DLEC1: variants seen among roughly 807,000 people sequenced by gnomAD.
DLEC1 encodes the protein DLEC1 cilia and flagella associated protein.
DLEC1 carries 146 observed loss-of-function variants against 198.1 expected under a neutral mutation model. The observed-to-expected ratio is 0.74, with a 90% CI of 0.64 to 0.85. DLEC1 has a LOEUF of 0.85. Among genes scored for constraint, DLEC1 ranks in the 40% least tolerant of loss-of-function variants. DLEC1 has a pLI of 0.00. For missense variants in DLEC1, 2,233 were observed against 2,220.0 expected, an observed-to-expected ratio of 1.01 and a Z score of -0.12; for synonymous variants, 897 against 866.8, an observed-to-expected ratio of 1.03 and a Z score of -0.61.
chr3:38,080,133 G>A (rs1697887079), intron 6 of DLEC1, among the ~76,000 whole-genome samples: 2 of 152,220 alleles, frequency 1.3e-5, no homozygotes, highest in South Asian at 2.1e-4. Context: ...AAAGAAAAAG[G>A]AGCATTAACC....
intron 21 of DLEC1, 39 bp downstream of exon 21, chr3:38,108,554 C>T: frequency 6.5e-7 from 1 of 1,549,320 alleles, no homozygotes; most frequent in Non-Finnish European, 8.9e-7. Context: ...ACCGGGAAGG[C>T]ACCCTGCCAA....
At chr3:38,114,310 A>T (rs1161800236) in intron 25 of DLEC1, 32 bp from the exon 26 acceptor site, 2 of 1,608,568 alleles carry the variant, frequency 1.2e-6, no homozygotes, top group East Asian at 4.5e-5. Flanking sequence ...AACCGGTGAC[A>T]GGAGTGACAA....
At position 38,039,321 on chromosome 3, in the gene DLEC1, G is replaced by A; in HGVS notation, c.96G>A (p.Gly32=). ...GGGCGCCAACTTCGCCACCAGCCGG[G>A]TCCAGCAGCCCCAGCCAGCCCACCT... ...TMWAPTSPPA[G]SSSPSQPTWK... The change falls in exon 1 of 37, where the codon GGG becomes GGA. Residue 32 remains glycine, a synonymous_variant. Transcript: ENST00000308059. 1 of 1,614,212 alleles carries A rather than the reference G, an allele frequency of 6.2e-7. No homozygotes were observed. Among genetic ancestry groups the A allele is most frequent in the Non-Finnish European group, 8.5e-7 (1 of 1,180,042 alleles).
chr3:38,043,185 G>A (rs1700736542), intron 1 of DLEC1, among the ~76,000 whole-genome samples: 1 of 152,064 alleles, frequency 6.6e-6, no homozygotes. Flanking sequence ...TAGGACCTTG[G>A]GTGATATTTA....
At chr3:38,069,490 AAC>A (rs140617640) in intron 6 of DLEC1, among the ~76,000 whole-genome samples, 15 of 150,590 alleles carry the variant, frequency 1.0e-4, no homozygotes, top group Admixed American at 2.6e-4. Context: ...AGTAAGGAAC[AAC>A]ACACACACAC....
intron 2 of DLEC1, among the ~76,000 whole-genome samples, chr3:38,050,070 A>G (rs550657494): frequency 2.6e-5 from 4 of 151,920 alleles, no homozygotes; most frequent in Non-Finnish European, 5.9e-5. Context: ...ACTTCCAGAT[A>G]ACTTTTTTTT....
In DLEC1 at chr3:38,062,733, G is replaced by GTC; in HGVS notation, c.1030_1031dup (p.Val345LeufsTer11). The stretch of plus-strand genomic sequence containing the variant: ...CTCCTAACACTCGATATGGAGGCAA[G>GTC]TCTCTTGTTTTTCCTCCAAAGAAGC... On this transcript the variant is annotated frameshift_variant, in exon 5 of 37. Transcript: ENST00000308059. LOFTEE classifies it high-confidence loss of function. The GTC allele has an allele frequency of 6.2e-7, 1 of 1,614,102 alleles. No homozygotes were observed. The highest frequency in any genetic ancestry group is 8.5e-7 in the Non-Finnish European group (1 of 1,180,018).
chr3:38,095,053 G>A lies in DLEC1; in HGVS notation c.2094G>A (p.Leu698=). ...CCCACACAGACCACGAGTTCATCCT[G>A]AGCTTTTCTCCTCATGAGGTTCAGA... ...LSPHTDHEFI[L]SFSPHELRDF... Residue 698 remains leucine (L), a synonymous_variant, in exon 13 of 37, where the codon CTG becomes CTA. Transcript: ENST00000308059. 1 of 1,614,086 alleles carries A rather than the reference G, an allele frequency of 6.2e-7. No homozygotes were observed. Among genetic ancestry groups the A allele is most frequent in the Non-Finnish European group, 8.5e-7 (1 of 1,180,030 alleles).
chr3:38,117,048 A>G lies in DLEC1; in HGVS notation c.4253A>G (p.His1418Arg), dbSNP rs1360461195. 6.2e-7 allele frequency: 1 copy of G among 1,614,002 alleles called. No homozygotes were observed. Among genetic ancestry groups the G allele is most frequent in the Admixed American group, 1.7e-5 (1 of 59,996 alleles). ...ATGGTGCTCAGCCCTGAGATCCTGC[A>G]CAAGGTGGAGTGTACTGGCTACGCC... ...TPMVLSPEIL[H>R]KVECTGYALG... The change falls in exon 30 of 37, where the codon CAC (histidine) becomes CGC (arginine). Residue 1418 changes from histidine (H) to arginine (R), a missense_variant. Coordinates refer to ENST00000308059, the MANE Select transcript of DLEC1 (RefSeq NM_007335.4).
intron 3 of DLEC1, among the ~76,000 whole-genome samples, chr3:38,061,943 C>T (rs1341078666): frequency 3.3e-5 from 5 of 152,190 alleles, no homozygotes; most frequent in African/African-American, 1.2e-4. Context: ...TCCCAAAGTG[C>T]TGGGATGATA....
chr3:38,055,341 A>G (rs932267205), intron 2 of DLEC1, among the ~76,000 whole-genome samples: 10 of 152,376 alleles, frequency 6.6e-5, no homozygotes, highest in African/African-American at 2.4e-4. Flanking sequence ...CAGGACACCA[A>G]GTGCAAAGAG....
chr3:38,097,290 G>A lies in DLEC1; in HGVS notation c.2434+15G>A. 1.3e-6 allele frequency: 2 copies of A among 1,568,676 alleles called. No homozygotes were observed. Among genetic ancestry groups the A allele is most frequent in the Non-Finnish European group, 1.7e-6 (2 of 1,155,566 alleles). ...AGGGGTCATAGGTACCTTGGGGACT[G>A]CAGGAGGGGTTGTGACCTGCCTGGG... is the stretch of plus-strand genomic sequence containing the variant. On this transcript the variant is annotated intron_variant, in intron 16 of 36. Transcript: ENST00000308059.
In DLEC1 at chr3:38,109,322, CTGGCCAGAGGTCA is replaced by C. The variant is rs549372838; in HGVS notation, c.3130-109_3130-97del. ...CTCACTGGAGGGACTGGAGATGAGC[CTGGCCAGAGGTCA>C]AGGCTCCACAGCAATCCCCTGTGCT... On this transcript the variant is annotated intron_variant, in intron 21 of 36. Coordinates refer to ENST00000308059, the MANE Select transcript of DLEC1 (RefSeq NM_007335.4). 11,425 of 1,490,318 alleles carry C rather than the reference CTGGCCAGAGGTCA, an allele frequency of 7.7e-3. 63 individuals carry two copies. The highest frequency in any genetic ancestry group is 8.8e-3 in the Non-Finnish European group (9,748 of 1,108,446). 92.3% of individuals were successfully genotyped at this position (1,490,318 alleles called of 1,614,324 possible).
At position 38,062,654 on chromosome 3, in the gene DLEC1, T is replaced by C; in HGVS notation, c.947T>C (p.Leu316Pro). 6.2e-7 allele frequency: 1 copy of C among 1,614,162 alleles called. No individual in the cohort carries two copies. The highest frequency in any genetic ancestry group is 8.5e-7 in the Non-Finnish European group (1 of 1,180,024). The change falls in exon 5 of 37, where the codon CTG becomes CCG. Residue 316 changes from leucine (L) to proline (P), a missense_variant. Leu to Pro is a moderately conservative substitution (Grantham distance 98, BLOSUM62 -3). Transcript: ENST00000308059. The stretch of plus-strand genomic sequence containing the variant: ...CCACAGAGAGAGCTAGACAGACTTC[T>C]GCTTGCCAGAATGGAGAGTCGGAAC... ...RVPQRELDRL[L>P]LARMESRNHF...
rs1467022683 is a variant in DLEC1 at position 38,122,875 on chromosome 3, A to G, written c.*463A>G. 3 of 795,718 alleles carry G rather than the reference A, an allele frequency of 3.8e-6. No individual in the cohort carries two copies. Among genetic ancestry groups the G allele is most frequent in the South Asian group, 1.7e-5 (1 of 57,520 alleles). 49.3% of individuals were successfully genotyped at this position (795,718 alleles called of 1,614,324 possible). A position where few individuals can be genotyped will look rare whatever the true frequency, so the allele number is the denominator to read the frequency against. On this transcript the variant is annotated 3_prime_UTR_variant, in exon 37 of 37. Coordinates refer to ENST00000308059, the MANE Select transcript of DLEC1 (RefSeq NM_007335.4). ...GTGGCTCAACACCCCACCCACTCCT[A>G]TACCATGTCATCAGTGTTCACATTT...
chr3:38,070,140 C>A (rs1026503038), intron 6 of DLEC1, among the ~76,000 whole-genome samples: 9 of 152,166 alleles, frequency 5.9e-5, no homozygotes, highest in African/African-American at 1.9e-4. Flanking sequence ...TAGACCTTGC[C>A]CTTGGGGGTC....
intron 20 of DLEC1, 27 bp from the exon 21 acceptor site, chr3:38,108,378 C>T: frequency 6.3e-7 from 1 of 1,589,930 alleles, no homozygotes; most frequent in Non-Finnish European, 8.6e-7. Flanking sequence ...CAGTAAGTGA[C>T]AACAGGCTCA....
Position 38,039,319 on chromosome 3 carries a change from G to T in DLEC1, c.94G>T (p.Gly32Trp), listed in dbSNP as rs1205702289. The change falls in exon 1 of 37, where the codon GGG (glycine) becomes TGG (tryptophan). Residue 32 changes from glycine (G) to tryptophan (W), a missense_variant. By Grantham distance (184) the Gly-to-Trp change is radical. Coordinates refer to ENST00000308059, the MANE Select transcript of DLEC1 (RefSeq NM_007335.4). Reference protein sequence around the residue: ...TMWAPTSPPAGSSSPSQPTWK... With the variant: ...TMWAPTSPPAWSSSPSQPTWK... ...GTGGGCGCCAACTTCGCCACCAGCC[G>T]GGTCCAGCAGCCCCAGCCAGCCCAC... The T allele has an allele frequency of 6.2e-7, 1 of 1,614,198 alleles. No homozygotes were observed. The highest frequency in any genetic ancestry group is 1.6e-4 in the Middle Eastern group (1 of 6,062).
rs200307012 is a variant in DLEC1 at position 38,116,507 on chromosome 3, T to C, written c.3911T>C (p.Val1304Ala). The change falls in exon 28 of 37, where the codon GTG becomes GCG. Residue 1304 changes from valine (V) to alanine (A), a missense_variant. Coordinates refer to ENST00000308059, the MANE Select transcript of DLEC1 (RefSeq NM_007335.4). ...CCAGAAGACAAGGAAGACCGGCTGGTGGAGCTGCTGGTGTTTTATGGGCCA... is the reference window on the plus strand; with the variant it reads ...CCAGAAGACAAGGAAGACCGGCTGGCGGAGCTGCTGGTGTTTTATGGGCCA... The part of the protein sequence containing the change: ...YVPEDKEDRL[V>A]ELLVFYGPPF... The C allele has an allele frequency of 1.3e-6, 2 of 1,599,710 alleles. No homozygotes were observed. The highest frequency in any genetic ancestry group is 2.3e-5 in the East Asian group (1 of 43,780).
Sources: gnomAD v4.1 joint callset for allele counts (sites outside exome capture counted in the v4.1 genomes callset) on GRCh38, gnomAD v4.1.1 for gene constraint, MANE v1.5 for transcripts, NCBI Gene and HGNC (gene_info 2026-07-23, HGNC 2026-07-21) for gene names.